Variants in GALNT6 observed in about 807,000 individuals in gnomAD.
The protein encoded by GALNT6 is GalNAc transferase 6.
Under a neutral mutation model 65.9 loss-of-function variants are expected in GALNT6, and 51 were observed. That is an observed-to-expected ratio of 0.77 (90% CI 0.62 to 0.98). GALNT6 has a LOEUF of 0.98. GALNT6 is among the 50% of genes least tolerant of loss of function. GALNT6 has a pLI of 0.00. For synonymous variants in GALNT6, 323 were observed against 315.1 expected (o/e 1.02, Z -0.26); for missense variants, 708 against 803.3 (o/e 0.88, Z 1.43).
intron 6 of GALNT6, among the ~76,000 whole-genome samples, chr12:51,363,043 G>A (rs1018241200): frequency 5.3e-5 from 8 of 152,120 alleles, no homozygotes; most frequent in Non-Finnish European, 1.2e-4. Flanking sequence ...TGGAGAGGAA[G>A]AAGCACCAAT....
intron 3 of GALNT6, 47 bp from the exon 4 acceptor site, chr12:51,377,414 A>T (rs1947499868): frequency 6.4e-7 from 1 of 1,572,288 alleles, no homozygotes; most frequent in South Asian, 1.1e-5. Flanking sequence ...CCCTGGGAGT[A>T]CCAGGTGTGG....
At chr12:51,357,123 C>T (rs1486626604) in intron 10 of GALNT6, among the ~76,000 whole-genome samples, 1 of 152,190 alleles carries the variant, frequency 6.6e-6, no homozygotes, top group Non-Finnish European at 1.5e-5. Context: ...CTCTGATGAA[C>T]AACCCTCCCT....
intron 2 of GALNT6, among the ~76,000 whole-genome samples, chr12:51,388,641 A>G (rs577676337): frequency 5.9e-5 from 9 of 152,126 alleles, no homozygotes; most frequent in Admixed American, 2.6e-4. Context: ...CCCACTAACT[A>G]TCATGGAGAA....
chr12:51,373,315 C>T (rs762739451), intron 4 of GALNT6, among the ~76,000 whole-genome samples: 3 of 152,010 alleles, frequency 2.0e-5, no homozygotes, highest in Admixed American at 6.6e-5. Context: ...TGGAAGGGAC[C>T]CAGTGGGAGA....
At chr12:51,373,947 C>G (rs1470802698) in intron 4 of GALNT6, among the ~76,000 whole-genome samples, 2 of 152,084 alleles carry the variant, frequency 1.3e-5, no homozygotes, top group Non-Finnish European at 2.9e-5. Context: ...GCAGTCTCAG[C>G]CTGCTGGGCT....
intron 6 of GALNT6, among the ~76,000 whole-genome samples, chr12:51,363,394 C>T (rs1288983064): frequency 1.3e-5 from 2 of 152,138 alleles, no homozygotes; most frequent in African/African-American, 4.8e-5. Flanking sequence ...GGGGCTGGCA[C>T]ACAAGAGCCT....
rs148908746 is a variant in GALNT6, at chr12:51,359,303, G to A, written c.1197C>T (p.Ile399=). The change falls in exon 8 of 12, where the codon ATC becomes ATT. Residue 399 remains isoleucine (I), a synonymous_variant. Transcript: ENST00000356317. ...CATGGCCTACGACAGAGCAGGGGAT[G>A]ATCTCCAGCTGGCCCCCACACTGCC... is the stretch of plus-strand genomic sequence containing the variant. ...RVWQCGGQLE[I]IPCSVVGHVF... The A allele has an allele frequency of 1.7e-5, 27 of 1,612,720 alleles. No homozygotes were observed. In the African/African-American group the frequency reaches 3.3e-4, roughly 20 times the overall value.
intron 6 of GALNT6, 102 bp from the exon 7 acceptor site, chr12:51,360,940 C>G (rs972863986): frequency 1.5e-6 from 1 of 674,166 alleles, no homozygotes; most frequent in South Asian, 1.7e-5. Context: ...CCACCTCCCC[C>G]TCCTTTCCTC....
intron 4 of GALNT6, among the ~76,000 whole-genome samples, chr12:51,375,541 T>C (rs1296217294): frequency 1.3e-5 from 2 of 151,392 alleles, no homozygotes; most frequent in Admixed American, 6.6e-5. Context: ...TCACCCACCA[T>C]GTAAGGGACT....
At chr12:51,364,660 C>G (rs879433442) in intron 5 of GALNT6, among the ~76,000 whole-genome samples, 3 of 152,218 alleles carry the variant, frequency 2.0e-5, no homozygotes, top group South Asian at 2.1e-4. Context: ...TCCAGCCGAT[C>G]CATTGGCCCA....
Position 51,353,313 on chromosome 12 carries a change from A to G in GALNT6, c.*1066T>C, listed in dbSNP as rs1946658699. On this transcript the variant is annotated 3_prime_UTR_variant, in exon 12 of 12. Transcript: ENST00000356317. The stretch of plus-strand genomic sequence containing the variant: ...TAAACAGTTCTACAGACTTCAGGTA[A>G]TAATAGCAAGGGAGGATCTCTTAGA... 2 of 152,134 alleles carry G rather than the reference A, an allele frequency of 1.3e-5. No individual in the cohort carries two copies. The allele number at this position is 152,134 out of a possible 1,614,324, so 9.4% of individuals were successfully genotyped here.
Position 51,359,339 on chromosome 12 carries a change from T to G in GALNT6, c.1168-7A>C, listed in dbSNP as rs779413541. 2 of 1,600,274 alleles carry G rather than the reference T, an allele frequency of 1.2e-6. No homozygotes were observed. Among genetic ancestry groups the G allele is most frequent in the Admixed American group, 3.4e-5 (2 of 59,152 alleles). ...GGCCCCCACACTGCCACACCTGATG[T>G]AAGAGGAGACAGGATGAGGCCTTCA... On this transcript the variant is annotated splice_region_variant and splice_polypyrimidine_tract_variant and intron_variant, in intron 7 of 11. Transcript: ENST00000356317.
intron 4 of GALNT6, among the ~76,000 whole-genome samples, chr12:51,369,952 A>G (rs1025336604): frequency 9.2e-5 from 14 of 152,206 alleles, no homozygotes; most frequent in African/African-American, 2.9e-4. Flanking sequence ...AAATCAGATC[A>G]TGTCACTACA....
At position 51,359,247 on chromosome 12, in the gene GALNT6, G is replaced by C; in HGVS notation, c.1253C>G (p.Pro418Arg). The C allele has an allele frequency of 6.2e-7, 1 of 1,613,926 alleles. No homozygotes were observed. The highest frequency in any genetic ancestry group is 8.5e-7 in the Non-Finnish European group (1 of 1,179,832). ...VFRTKSPHTFPKGTSVIARNQ... is the reference protein window; with the variant it reads ...VFRTKSPHTFRKGTSVIARNQ... ...GCGAGCAATGACACTAGTGCCCTTG[G>C]GGAAGGTGTGGGGGCTCTTGGTCCG... Residue 418 changes from proline (P) to arginine (R), a missense_variant, in exon 8 of 12, where the codon CCC becomes CGC. Physicochemically the swap from Pro to Arg is moderately radical, Grantham distance 103. Coordinates refer to ENST00000356317, the MANE Select transcript of GALNT6 (RefSeq NM_007210.4).
chr12:51,379,374 G>A lies in GALNT6; in HGVS notation c.408C>T (p.Gly136=). ...TPLETQEKEE[G]YKKHCFNAFA... is the part of the protein sequence containing the mutation. Reference sequence around the variant, plus strand: ...AGGCATTGAAACAGTGCTTCTTATAGCCTTCTTCCTTTTCCTGGGTCTCCA... The same window carrying A: ...AGGCATTGAAACAGTGCTTCTTATAACCTTCTTCCTTTTCCTGGGTCTCCA... Residue 136 remains glycine (G), a synonymous_variant, in exon 3 of 12, where the codon GGC becomes GGT. Transcript: ENST00000356317. The A allele has an allele frequency of 6.3e-7, 1 of 1,581,416 alleles. No homozygotes were observed.
In GALNT6 at chr12:51,379,645, A is replaced by G. The variant is rs368685851; in HGVS notation, c.137T>C (p.Leu46Pro). The part of the protein sequence containing the change: ...EATEKPWLKS[L>P]VSRKDHVLDL... ...CAGGACGTGATCCTTCCGGCTCACC[A>G]GGGACTTCAGCCACGGCTTCTCTGT... The change falls in exon 3 of 12, where the codon CTG (leucine) becomes CCG (proline). Residue 46 changes from leucine to proline, a missense_variant. Leu to Pro is a moderately conservative substitution (Grantham distance 98, BLOSUM62 -3). Transcript: ENST00000356317. 4.0e-5 allele frequency: 65 copies of G among 1,614,052 alleles called. No homozygotes were observed. Among genetic ancestry groups the G allele is most frequent in the Non-Finnish European group, 5.3e-5 (62 of 1,180,032 alleles).
At chr12:51,377,740 C>T (rs2137724726) in intron 3 of GALNT6, among the ~76,000 whole-genome samples, 1 of 152,250 alleles carries the variant, frequency 6.6e-6, no homozygotes, top group Non-Finnish European at 1.5e-5. Flanking sequence ...GTAATCCAAT[C>T]CAGAGGTCCC....
At chr12:51,367,360 A>G (rs1234616821) in intron 4 of GALNT6, among the ~76,000 whole-genome samples, 1 of 152,162 alleles carries the variant, frequency 6.6e-6, no homozygotes, top group East Asian at 1.9e-4. Flanking sequence ...GCTTGAACCC[A>G]GGAGGTGGAG....
At position 51,379,878 on chromosome 12, in the gene GALNT6, C is replaced by A; in HGVS notation, c.-97G>T. ...ACGTTGTGGTGGCCACAAGCTGGGG[C>A]CTCAGCCTGAGAAAGGAGGGGACAA... On this transcript the variant is annotated 5_prime_UTR_variant, in exon 3 of 12. Transcript: ENST00000356317. 1 of 1,272,766 alleles carries A rather than the reference C, an allele frequency of 7.9e-7. No homozygotes were observed. Among genetic ancestry groups the A allele is most frequent in the Non-Finnish European group, 1.1e-6 (1 of 942,394 alleles). The allele number at this position is 1,272,766 out of a possible 1,614,324, so 78.8% of individuals were successfully genotyped here.
Sources: gnomAD v4.1 joint callset for allele counts (sites outside exome capture counted in the v4.1 genomes callset) on GRCh38, gnomAD v4.1.1 for gene constraint, MANE v1.5 for transcripts, NCBI Gene and HGNC (gene_info 2026-07-23, HGNC 2026-07-21) for gene names.